Variants in OSBPL1A observed in about 807,000 individuals in gnomAD.
OSBPL1A encodes oxysterol-binding protein-related protein 1.
Under a neutral mutation model 137.1 loss-of-function variants are expected in OSBPL1A, and 80 were observed. That is an observed-to-expected ratio of 0.58 (90% CI 0.49 to 0.70). OSBPL1A has a LOEUF of 0.70. Among genes scored for constraint, OSBPL1A ranks in the 30% least tolerant of loss-of-function variants. OSBPL1A has a pLI of 0.00. For missense variants in OSBPL1A, 970 were observed against 1,129.4 expected (o/e 0.86, Z 2.02); for synonymous variants, 365 against 389.7 (o/e 0.94, Z 0.75).
rs887373494 is a variant in OSBPL1A at position 24,388,011 on chromosome 18, G to A, written c.-3+9644C>T. Among the ~76,000 whole-genome samples the A allele has an allele frequency of 2.6e-5, 4 of 152,134 alleles. No homozygotes were observed. The South Asian group carries it at 6.2e-4, about 24-fold the overall frequency. On this transcript the variant is annotated intron_variant, in intron 1 of 27. Transcript: ENST00000319481. ...CATTCTAGGCATTGTTCTAAACTCCGATGCCACTAATGAATAAAACCAGGC... is the reference window on the plus strand; with the variant it reads ...CATTCTAGGCATTGTTCTAAACTCCAATGCCACTAATGAATAAAACCAGGC...
In OSBPL1A at chr18:24,264,208, CAGAA is replaced by C. The variant is rs143625598; in HGVS notation, c.1281+16630_1281+16633del. ...GCTTTGAATTCTCTTAAGGCCAAAA[CAGAA>C]AGAGAAATACAATCAATTGTGCCCT... is the stretch of plus-strand genomic sequence containing the variant. On this transcript the variant is annotated intron_variant, in intron 15 of 27. Transcript: ENST00000319481. Among the ~76,000 whole-genome samples the C allele has an allele frequency of 9.1e-3, 1,382 of 151,730 alleles. 21 individuals carry two copies. The highest frequency in any genetic ancestry group is 0.032 in the African/African-American group (1,328 of 41,348).
chr18:24,354,577 C>T (rs1270472713), intron 4 of OSBPL1A, among the ~76,000 whole-genome samples: 3 of 151,742 alleles, frequency 2.0e-5, no homozygotes, highest in African/African-American at 7.3e-5. Flanking sequence ...ATGGGCTCAT[C>T]AGTAGATATC....
chr18:24,288,519 G>A (rs2090111968), intron 14 of OSBPL1A, among the ~76,000 whole-genome samples: 1 of 152,210 alleles, frequency 6.6e-6, no homozygotes, highest in Non-Finnish European at 1.5e-5. Flanking sequence ...TGTAATCCCA[G>A]CACTTTGGGA....
intron 17 of OSBPL1A, among the ~76,000 whole-genome samples, chr18:24,212,234 A>AT (rs570518923): frequency 0.15 from 21,408 of 145,644 alleles, 1,726 homozygotes; most frequent in Middle Eastern, 0.29. Context: ...CACCTGGCTA[A>AT]TTTTTTTTTT....
At chr18:24,358,590 A>G (rs916973481) in intron 4 of OSBPL1A, 1 of 695,582 alleles carries the variant, frequency 1.4e-6, no homozygotes, top group Admixed American at 2.0e-5. Flanking sequence ...TTGTCTGGGC[A>G]TCGCCTGAAA....
chr18:24,202,905 G>T (rs17203115), intron 17 of OSBPL1A, among the ~76,000 whole-genome samples: 20,564 of 152,204 alleles, frequency 0.14, 1,563 homozygotes, highest in Middle Eastern at 0.25. Context: ...ATCTTCTCGG[G>T]CATATGCCAA....
At position 24,271,682 on chromosome 18, in the gene OSBPL1A, G is replaced by A. The variant is rs1045501443; in HGVS notation, c.1281+9160C>T. 4 of 985,660 alleles carry A rather than the reference G, an allele frequency of 4.1e-6. No homozygotes were observed. In the African/African-American group the frequency reaches 7.0e-5, roughly 17 times the overall value. 61.1% of individuals were successfully genotyped at this position (985,660 alleles called of 1,614,324 possible). A position where few individuals can be genotyped will look rare whatever the true frequency, so the allele number is the denominator to read the frequency against. Reference sequence around the variant, plus strand: ...CACCCTGCGCTCCTCGCAAGCTCCAGCGCGAATGCGCTCGGCCTGCTCCTC... The same window carrying A: ...CACCCTGCGCTCCTCGCAAGCTCCAACGCGAATGCGCTCGGCCTGCTCCTC... On this transcript the variant is annotated intron_variant, in intron 15 of 27. Coordinates refer to ENST00000319481, the MANE Select transcript of OSBPL1A (RefSeq NM_080597.4). This position sits in a 1 kb window ranked among gnomAD's most constrained non-coding sequence, Gnocchi z 4.0.
intron 7 of OSBPL1A, among the ~76,000 whole-genome samples, chr18:24,329,842 T>A (rs966133035): frequency 1.1e-4 from 16 of 152,166 alleles, no homozygotes; most frequent in Non-Finnish European, 1.9e-4. Flanking sequence ...TTCTAAATCT[T>A]ACTATGGTAA....
intron 11 of OSBPL1A, among the ~76,000 whole-genome samples, chr18:24,315,214 C>T (rs929462211): frequency 1.3e-5 from 2 of 152,102 alleles, no homozygotes; most frequent in African/African-American, 2.4e-5. Context: ...GGTGACAGGA[C>T]AGCAGCAAGG....
intron 7 of OSBPL1A, among the ~76,000 whole-genome samples, chr18:24,329,524 T>C (rs1599674749): frequency 7.2e-6 from 1 of 138,686 alleles, no homozygotes; most frequent in African/African-American, 2.7e-5. Context: ...CACTCCAACC[T>C]GGGTGACAGA....
At chr18:24,360,034 C>T (rs1599713190) in intron 4 of OSBPL1A, among the ~76,000 whole-genome samples, 1 of 152,292 alleles carries the variant, frequency 6.6e-6, no homozygotes. Flanking sequence ...ATGGCGCGAT[C>T]TCGGCTCACT....
intron 4 of OSBPL1A, among the ~76,000 whole-genome samples, chr18:24,362,057 C>T (rs148681942): frequency 3.7e-4 from 55 of 148,684 alleles, no homozygotes; most frequent in Admixed American, 2.3e-3. Flanking sequence ...AGGTAGAAGA[C>T]GAATGAAAGT....
intron 23 of OSBPL1A, 164 bp from the exon 24 acceptor site, chr18:24,170,617 C>T: frequency 1.5e-6 from 1 of 671,622 alleles, no homozygotes; most frequent in Admixed American, 2.8e-5. Context: ...GTGGCATCGC[C>T]ATAGACTGTT....
chr18:24,171,512 A>G lies in OSBPL1A; in HGVS notation c.2202-14T>C, dbSNP rs1202481502. ...TTGTCCCCAGTCCTATAAAGAAAAT[A>G]CTAAGTTCAGATTATCATTTATTAG... On this transcript the variant is annotated splice_polypyrimidine_tract_variant and intron_variant, in intron 22 of 27. Coordinates refer to ENST00000319481, the MANE Select transcript of OSBPL1A (RefSeq NM_080597.4). The G allele has an allele frequency of 2.5e-6, 4 of 1,586,204 alleles. No individual in the cohort carries two copies. Among genetic ancestry groups the G allele is most frequent in the Non-Finnish European group, 3.4e-6 (4 of 1,160,358 alleles).
Position 24,317,204 on chromosome 18 carries a change from G to A in OSBPL1A, c.815C>T (p.Ala272Val). Residue 272 changes from alanine (A) to valine (V), a missense_variant, in exon 11 of 28, where the codon GCA (alanine) becomes GTA (valine). Physicochemically the swap from Ala to Val is moderately conservative, Grantham distance 64. This residue lies in a region of OSBPL1A where 647 missense variants were observed against 672.6 expected (regional missense o/e 0.96). Transcript: ENST00000319481. The stretch of plus-strand genomic sequence containing the variant: ...TCCCTGGCGATAAATATTATGAACT[G>A]CATCAGGCCTTCAAAATAAAAATGA... The part of the protein sequence containing the change: ...VLSWYRKQPD[A>V]VHNIYRQGCK... The A allele has an allele frequency of 6.2e-7, 1 of 1,613,620 alleles. No individual in the cohort carries two copies.
chr18:24,224,999 A>G (rs45482292), intron 17 of OSBPL1A, 43 bp downstream of exon 17: 66,395 of 1,609,482 alleles, frequency 0.041, 1,559 homozygotes, highest in South Asian at 0.073. Flanking sequence ...AATGTACTTT[A>G]TCGTAAAAAC....
rs1162394055 is a variant in OSBPL1A, at chr18:24,387,574, GCCATT to G, written c.-2-10044_-2-10040del. ...AAAATGTTTCAAACCAAGGAATAAA[GCCATT>G]CATCACAATTTTTTTTAAAGAGATG... On this transcript the variant is annotated intron_variant, in intron 1 of 27. Transcript: ENST00000319481. Among the ~76,000 whole-genome samples the G allele has an allele frequency of 2.6e-5, 4 of 152,138 alleles. No homozygotes were observed. The East Asian group carries it at 7.7e-4, about 29-fold the overall frequency.
chr18:24,322,970 T>G (rs1361414675), intron 7 of OSBPL1A, among the ~76,000 whole-genome samples: 1 of 152,200 alleles, frequency 6.6e-6, no homozygotes, highest in African/African-American at 2.4e-5. Context: ...ATGACACAGA[T>G]TTGTCCCTTA....
intron 14 of OSBPL1A, among the ~76,000 whole-genome samples, chr18:24,287,791 A>ATAAAATAAAT (rs1568002262): frequency 6.6e-6 from 1 of 151,204 alleles, no homozygotes; most frequent in Admixed American, 6.6e-5. Flanking sequence ...ATAAAATAAA[A>ATAAAATAAAT]TAAAATAAAA....
Sources: allele counts gnomAD v4.1 joint callset (sites outside exome capture counted in the v4.1 genomes callset), GRCh38; gene constraint gnomAD v4.1.1; regional missense constraint gnomAD v4.1.1; non-coding constraint Gnocchi (gnomAD v3.1); transcripts MANE v1.5; gene names NCBI Gene and HGNC (gene_info 2026-07-23, HGNC 2026-07-21).